The following SPAG16 variants were observed in gnomAD, a reference collection of about 807,000 sequenced individuals.
The protein encoded by SPAG16 is sperm-associated antigen 16 protein.
SPAG16 carries 86 observed loss-of-function variants against 80.4 expected under a neutral mutation model. The observed-to-expected ratio is 1.07, with a 90% CI of 0.90 to 1.28. SPAG16 has a LOEUF of 1.28. Among genes scored for constraint, SPAG16 ranks in the 50% most tolerant of loss-of-function variants. SPAG16 has a pLI of 0.00. For synonymous variants in SPAG16, 294 were observed against 265.9 expected (o/e 1.11, Z -1.03); for missense variants, 870 against 765.3 (o/e 1.14, Z -1.61).
chr2:213,989,827 C>A (rs1259356713), intron 12 of SPAG16, among the ~76,000 whole-genome samples: 1 of 151,964 alleles, frequency 6.6e-6, no homozygotes, highest in East Asian at 1.9e-4. Flanking sequence ...ATGTAAATGA[C>A]AGAAATGGTT....
intron 15 of SPAG16, among the ~76,000 whole-genome samples, chr2:214,354,175 A>T (rs1698613362): frequency 6.6e-6 from 1 of 152,192 alleles, no homozygotes; most frequent in African/African-American, 2.4e-5. Flanking sequence ...ACATTTTTGT[A>T]TAAGGTGTAA....
At chr2:213,844,268 T>A (rs2074503454) in intron 10 of SPAG16, among the ~76,000 whole-genome samples, 1 of 152,182 alleles carries the variant, frequency 6.6e-6, no homozygotes, top group African/African-American at 2.4e-5. Flanking sequence ...AAAAGTTTTA[T>A]CTCAGCCTAA....
chr2:213,416,943 A>C (rs1454421570), intron 9 of SPAG16, among the ~76,000 whole-genome samples: 1 of 152,228 alleles, frequency 6.6e-6, no homozygotes, highest in Non-Finnish European at 1.5e-5. Flanking sequence ...CAGACTTAAC[A>C]GTTTAGAATT....
At chr2:213,629,901 CT>C (rs2062083907) in intron 10 of SPAG16, among the ~76,000 whole-genome samples, 1 of 152,202 alleles carries the variant, frequency 6.6e-6, no homozygotes, top group Non-Finnish European at 1.5e-5. Flanking sequence ...GCACAGCCTC[CT>C]TTTTCCAGGG....
At chr2:213,319,498 C>T (rs1001518450) in intron 5 of SPAG16, among the ~76,000 whole-genome samples, 1 of 151,804 alleles carries the variant, frequency 6.6e-6, no homozygotes, top group Non-Finnish European at 1.5e-5. Context: ...TTACTAGAAC[C>T]AGTGTTCTCT....
chr2:214,091,992 C>A (rs1385764342), intron 13 of SPAG16, among the ~76,000 whole-genome samples: 1 of 152,084 alleles, frequency 6.6e-6, no homozygotes, highest in African/African-American at 2.4e-5. Context: ...CAATACAATA[C>A]CTACTTCTGT....
chr2:214,339,134 G>A (rs957739205), intron 15 of SPAG16, among the ~76,000 whole-genome samples: 6 of 152,204 alleles, frequency 3.9e-5, no homozygotes, highest in African/African-American at 1.2e-4. Flanking sequence ...TTAGATTTAA[G>A]TAAGGTGCTA....
At chr2:213,479,398 T>A (rs925287689) in intron 9 of SPAG16, among the ~76,000 whole-genome samples, 1 of 152,138 alleles carries the variant, frequency 6.6e-6, no homozygotes, top group East Asian at 1.9e-4. Context: ...CTTGTATATG[T>A]TTATTATTTA....
chr2:213,982,827 T>A (rs567177723), intron 12 of SPAG16, among the ~76,000 whole-genome samples: 1 of 152,134 alleles, frequency 6.6e-6, no homozygotes, highest in African/African-American at 2.4e-5. Flanking sequence ...TTTTGATTTG[T>A]CAATGGAGAC....
intron 10 of SPAG16, among the ~76,000 whole-genome samples, chr2:213,854,058 C>T (rs938040632): frequency 6.6e-6 from 1 of 152,150 alleles, no homozygotes; most frequent in Non-Finnish European, 1.5e-5. Flanking sequence ...AAATCCCTAT[C>T]ATGAAAGAAA....
intron 10 of SPAG16, among the ~76,000 whole-genome samples, chr2:213,705,097 A>C (rs762036628): frequency 3.9e-5 from 6 of 152,102 alleles, no homozygotes; most frequent in Admixed American, 6.5e-5. Context: ...CTAAAAAAAA[A>C]CAAAAAACAA....
At chr2:214,221,653 C>G (rs545427786) in intron 15 of SPAG16, among the ~76,000 whole-genome samples, 1 of 151,936 alleles carries the variant, frequency 6.6e-6, no homozygotes, top group Non-Finnish European at 1.5e-5. Flanking sequence ...CACCTGATCT[C>G]TCAAAAAAGA....
rs192701343 is a variant in SPAG16 at position 214,352,252 on chromosome 2, G to A, written c.1721-57888G>A. 7.9e-5 allele frequency among the ~76,000 whole-genome samples: 12 copies of A among 152,246 alleles called. No individual in the cohort carries two copies. In the East Asian group the frequency reaches 2.3e-3, roughly 29 times the overall value. On this transcript the variant is annotated intron_variant, in intron 15 of 15. Transcript: ENST00000331683. ...TATAGCAATGAGTTAGTACTTTTCA[G>A]TTAACAAACAAGTATCTCAGATATT...
At chr2:213,869,554 A>C (rs2075868469) in intron 11 of SPAG16, among the ~76,000 whole-genome samples, 1 of 151,464 alleles carries the variant, frequency 6.6e-6, no homozygotes, top group Admixed American at 6.6e-5. Flanking sequence ...TATTCTTTGC[A>C]GAGGTGTATA....
At chr2:213,451,631 C>A (rs146446795) in intron 9 of SPAG16, among the ~76,000 whole-genome samples, 2 of 152,290 alleles carry the variant, frequency 1.3e-5, no homozygotes, top group African/African-American at 2.4e-5. Context: ...GAACAGCTCT[C>A]TGTCACAGAG....
intron 15 of SPAG16, among the ~76,000 whole-genome samples, chr2:214,258,480 TATATATATATACACACAC>T (rs1218790152): frequency 1.3e-5 from 2 of 148,900 alleles, no homozygotes; most frequent in African/African-American, 4.9e-5. Context: ...TGTATATATA[TATATATATATACACACAC>T]ACATATATGT....
chr2:213,664,454 A>G (rs2063532177), intron 10 of SPAG16, among the ~76,000 whole-genome samples: 2 of 152,136 alleles, frequency 1.3e-5, no homozygotes, highest in Admixed American at 1.3e-4. Context: ...ATTTCAGGAT[A>G]ACAGAGGTAA....
At chr2:213,421,633 G>A (rs981605752) in intron 9 of SPAG16, among the ~76,000 whole-genome samples, 2 of 152,146 alleles carry the variant, frequency 1.3e-5, no homozygotes, top group East Asian at 3.9e-4. Flanking sequence ...CCCACCTATG[G>A]CCACCCAAGG....
intron 9 of SPAG16, among the ~76,000 whole-genome samples, chr2:213,438,872 A>G (rs750359690): frequency 2.6e-5 from 4 of 152,216 alleles, no homozygotes; most frequent in Admixed American, 6.5e-5. Context: ...ACTGTCTCCT[A>G]ATGGCCTGTA....
Sources: gnomAD v4.1 joint callset for allele counts (sites outside exome capture counted in the v4.1 genomes callset) on GRCh38, gnomAD v4.1.1 for gene constraint, MANE v1.5 for transcripts, NCBI Gene and HGNC (gene_info 2026-07-23, HGNC 2026-07-21) for gene names.